The following PREX2 variants were observed in gnomAD, a reference collection of about 807,000 sequenced individuals.
The protein encoded by PREX2 is phosphatidylinositol-3,4,5-trisphosphate dependent Rac exchange factor 2.
Under a neutral mutation model 203.2 loss-of-function variants are expected in PREX2, and 107 were observed. The observed-to-expected ratio is 0.53, with a 90% confidence interval of 0.45 to 0.62. The LOEUF is 0.62. PREX2 is among the 20% of genes least tolerant of loss of function. The pLI is 0.00. For missense variants in PREX2, 1,777 were observed against 1,955.9 expected, an observed-to-expected ratio of 0.91 and a Z score of 1.72; for synonymous variants, 672 against 663.6, an observed-to-expected ratio of 1.01 and a Z score of -0.19.
At chr8:68,163,316 T>C (rs996451827) in intron 35 of PREX2, among the ~76,000 whole-genome samples, 4 of 152,242 alleles carry the variant, frequency 2.6e-5, no homozygotes, top group Non-Finnish European at 5.9e-5. Flanking sequence ...ATCTGTTTCA[T>C]GTGGCTGAAG....
intron 10 of PREX2, among the ~76,000 whole-genome samples, chr8:68,056,253 G>C (rs1808677895): frequency 6.6e-6 from 1 of 152,156 alleles, no homozygotes; most frequent in South Asian, 2.1e-4. Flanking sequence ...CAGGCAGGGA[G>C]TGGCAGGCAG....
Position 67,952,318 on chromosome 8 carries a change from G to A in PREX2, c.-77G>A. The A allele has an allele frequency of 8.1e-7, 1 of 1,240,452 alleles. No individual in the cohort carries two copies. The highest frequency in any genetic ancestry group is 1.0e-6 in the Non-Finnish European group (1 of 975,438). The allele number at this position is 1,240,452 out of a possible 1,614,324, so 76.8% of individuals were successfully genotyped here. Reference sequence around the variant, plus strand: ...GCGGCAACTTTCCATTCTCGCCGCCGGGGGCCGGGCAGCAGCGGGCGCGCG... The same window carrying A: ...GCGGCAACTTTCCATTCTCGCCGCCAGGGGCCGGGCAGCAGCGGGCGCGCG... On this transcript the variant is annotated 5_prime_UTR_variant, in exon 1 of 40. Transcript: ENST00000288368.
chr8:68,054,552 A>G (rs1184203549), intron 9 of PREX2, among the ~76,000 whole-genome samples: 3 of 152,162 alleles, frequency 2.0e-5, no homozygotes, highest in Non-Finnish European at 4.4e-5. Flanking sequence ...TTGCAGCTAG[A>G]TGACTAAAAA....
chr8:68,146,697 C>T (rs528219471), intron 34 of PREX2, among the ~76,000 whole-genome samples: 17 of 152,154 alleles, frequency 1.1e-4, no homozygotes, highest in Non-Finnish European at 2.4e-4. Flanking sequence ...TTAATATATG[C>T]ATGCAGATTA....
intron 33 of PREX2, among the ~76,000 whole-genome samples, chr8:68,140,416 G>C (rs117567246): frequency 6.6e-6 from 1 of 152,224 alleles, no homozygotes; most frequent in East Asian, 1.9e-4. Context: ...CAGGAAATAA[G>C]AGAATTATTC....
At chr8:68,010,591 TG>T (rs546667980) in intron 1 of PREX2, among the ~76,000 whole-genome samples, 53 of 152,348 alleles carry the variant, frequency 3.5e-4, no homozygotes, top group African/African-American at 1.2e-3. Context: ...TTTCATTACC[TG>T]CATGTAATCT....
At chr8:68,023,846 T>A (rs1054381069) in intron 4 of PREX2, among the ~76,000 whole-genome samples, 1 of 152,118 alleles carries the variant, frequency 6.6e-6, no homozygotes, top group Non-Finnish European at 1.5e-5. Context: ...TCTAAATTTA[T>A]GTATTTGGTA....
In PREX2 at chr8:68,232,381, G is replaced by T. The variant is rs972537822; in HGVS notation, c.*1003G>T. 3 of 138,190 alleles carry T rather than the reference G, an allele frequency of 2.2e-5. No individual in the cohort carries two copies. The highest frequency in any genetic ancestry group is 7.6e-5 in the African/African-American group (3 of 39,460). The allele number at this position is 138,190 out of a possible 1,614,324, so 8.6% of individuals were successfully genotyped here. Reference sequence around the variant, plus strand: ...TTTGTACTTTAAAAGGACCATTAGGGGACTTGTAATTTATGGATGCACAAG... The same window carrying T: ...TTTGTACTTTAAAAGGACCATTAGGTGACTTGTAATTTATGGATGCACAAG... On this transcript the variant is annotated 3_prime_UTR_variant, in exon 40 of 40. Transcript: ENST00000288368.
intron 1 of PREX2, among the ~76,000 whole-genome samples, chr8:68,007,021 T>C (rs950244305): frequency 6.6e-6 from 1 of 152,214 alleles, no homozygotes. Flanking sequence ...GGAAGGAAAG[T>C]TTCCTTGTTT....
intron 35 of PREX2, among the ~76,000 whole-genome samples, chr8:68,165,650 G>T (rs978602449): frequency 1.3e-5 from 2 of 152,066 alleles, no homozygotes; most frequent in Admixed American, 1.3e-4. Flanking sequence ...CTGAATGGAG[G>T]CAATTGTCTC....
chr8:68,060,208 T>A (rs936942725), intron 10 of PREX2, among the ~76,000 whole-genome samples: 2 of 152,198 alleles, frequency 1.3e-5, no homozygotes, highest in African/African-American at 4.8e-5. Flanking sequence ...TGTTCTTCCT[T>A]CCTGGATCTT....
At position 68,030,492 on chromosome 8, in the gene PREX2, A is replaced by G; in HGVS notation, c.544-5A>G. 6.2e-7 allele frequency: 1 copy of G among 1,612,598 alleles called. No homozygotes were observed. Among genetic ancestry groups the G allele is most frequent in the Non-Finnish European group, 8.5e-7 (1 of 1,179,082 alleles). On this transcript the variant is annotated splice_polypyrimidine_tract_variant and splice_region_variant and intron_variant, in intron 5 of 39. Coordinates refer to ENST00000288368, the MANE Select transcript of PREX2 (RefSeq NM_024870.4). ...AGGGCGATTTGTTTTTTTGTGTATA[A>G]ACAGGAGTTGCTGAAGCGGACTCCA... is the stretch of plus-strand genomic sequence containing the variant.
At chr8:68,151,755 G>C (rs1348261515) in intron 34 of PREX2, among the ~76,000 whole-genome samples, 1 of 150,562 alleles carries the variant, frequency 6.6e-6, no homozygotes, top group Non-Finnish European at 1.5e-5. Context: ...GCATGCTCTT[G>C]AGTATTCTCT....
intron 7 of PREX2, among the ~76,000 whole-genome samples, chr8:68,043,771 A>G (rs1341023725): frequency 4.6e-5 from 7 of 152,048 alleles, no homozygotes; most frequent in South Asian, 2.1e-4. Context: ...TCAAATACAA[A>G]CATATATGAC....
intron 30 of PREX2, among the ~76,000 whole-genome samples, chr8:68,124,373 C>G (rs1810845351): frequency 1.3e-5 from 2 of 152,046 alleles, no homozygotes; most frequent in Non-Finnish European, 2.9e-5. Context: ...TTATCCTTAG[C>G]AAACTAACAC....
chr8:68,088,394 G>A (rs1255183844), intron 19 of PREX2, among the ~76,000 whole-genome samples: 2 of 152,130 alleles, frequency 1.3e-5, no homozygotes, highest in Non-Finnish European at 2.9e-5. Flanking sequence ...ATAACTGTCA[G>A]ATCCCACATT....
rs1028241646 is a variant in PREX2, at chr8:68,098,956, A to G, written c.2554-726A>G. The stretch of plus-strand genomic sequence containing the variant: ...TATATGTGTATATATATATATATAT[A>G]TATATATATATATATATATATCTCA... On this transcript the variant is annotated intron_variant, in intron 22 of 39. Coordinates refer to ENST00000288368, the MANE Select transcript of PREX2 (RefSeq NM_024870.4). 2.4e-3 allele frequency among the ~76,000 whole-genome samples: 209 copies of G among 85,498 alleles called. 3 individuals carry two copies. Among genetic ancestry groups the G allele is most frequent in the African/African-American group, 5.7e-3 (190 of 33,584 alleles). The allele number at this position is 85,498 out of a possible 152,430, so 56.1% of individuals were successfully genotyped here. A position where few individuals can be genotyped will look rare whatever the true frequency, so the allele number is the denominator to read the frequency against.
chr8:68,097,156 G>A lies in PREX2; in HGVS notation c.2508G>A (p.Val836=), dbSNP rs1784817182. 1 of 1,613,686 alleles carries A rather than the reference G, an allele frequency of 6.2e-7. No homozygotes were observed. Among genetic ancestry groups the A allele is most frequent in the South Asian group, 1.1e-5 (1 of 91,056 alleles). The part of the protein sequence containing the change: ...DSTAGIKCNV[V]EKMIEPKGFF... ...CAGCTGGCATCAAGTGCAATGTGGTGGAAAAGATGATTGAGCCCAAAGGTT... is the reference window on the plus strand; with the variant it reads ...CAGCTGGCATCAAGTGCAATGTGGTAGAAAAGATGATTGAGCCCAAAGGTT... Residue 836 remains valine (V), a synonymous_variant, in exon 22 of 40, where the codon GTG becomes GTA. Transcript: ENST00000288368.
chr8:67,959,694 C>A (rs1024399064), intron 1 of PREX2, among the ~76,000 whole-genome samples: 1 of 152,144 alleles, frequency 6.6e-6, no homozygotes, highest in Non-Finnish European at 1.5e-5. Flanking sequence ...CAAGCTGTCA[C>A]TTGTGTATTT....
Sources: gnomAD v4.1 joint callset for allele counts (sites outside exome capture counted in the v4.1 genomes callset) on GRCh38, gnomAD v4.1.1 for gene constraint, MANE v1.5 for transcripts, NCBI Gene and HGNC (gene_info 2026-07-23, HGNC 2026-07-21) for gene names.